The following PCSK5 variants were observed in gnomAD, a reference collection of about 807,000 sequenced individuals.
PCSK5 encodes prohormone convertase 5.
In PCSK5, 129 loss-of-function variants were observed where a neutral mutation model predicts 233.2. The observed-to-expected ratio is 0.55, with a 90% CI of 0.48 to 0.64. The LOEUF (loss-of-function observed/expected upper bound fraction) is 0.64. Ranked by LOEUF, PCSK5 falls within the 30% of genes least tolerant of loss-of-function variation. The pLI is 0.00. For missense variants in PCSK5, 2,076 were observed against 2,430.1 expected, an observed-to-expected ratio of 0.85 and a Z score of 3.06; for synonymous variants, 825 against 879.2, an observed-to-expected ratio of 0.94 and a Z score of 1.09.
intron 20 of PCSK5, among the ~76,000 whole-genome samples, chr9:76,191,709 G>A (rs1373227351): frequency 1.3e-5 from 2 of 152,130 alleles, no homozygotes; most frequent in East Asian, 1.9e-4. Flanking sequence ...ATAGCACACT[G>A]GGGTGATAAA....
At chr9:76,003,175 C>T (rs1324194924) in intron 3 of PCSK5, among the ~76,000 whole-genome samples, 1 of 152,210 alleles carries the variant, frequency 6.6e-6, no homozygotes, top group Non-Finnish European at 1.5e-5. Flanking sequence ...AATCCTGGAA[C>T]ATGGGCAGGC....
At chr9:75,974,167 G>A (rs1825918081) in intron 2 of PCSK5, among the ~76,000 whole-genome samples, 1 of 152,208 alleles carries the variant, frequency 6.6e-6, no homozygotes. Context: ...GCCCAGTGAA[G>A]TGACTTGGCA....
chr9:76,218,250 TTGGTATAGGGAGGC>T (rs1308184995), intron 20 of PCSK5, among the ~76,000 whole-genome samples: 1 of 152,110 alleles, frequency 6.6e-6, no homozygotes, highest in African/African-American at 2.4e-5. Flanking sequence ...CTGGCTTTGT[TTGGTATAGGGAGGC>T]TGTCTCCAGG....
chr9:76,068,117 T>G, intron 6 of PCSK5, 74 bp downstream of exon 6: 1 of 1,038,090 alleles, frequency 9.6e-7, no homozygotes, highest in African/African-American at 1.6e-5. Flanking sequence ...TCAGAATCCT[T>G]TTTAAATGGA....
At position 76,013,369 on chromosome 9, in the gene PCSK5, C is replaced by T. The variant is rs573235048; in HGVS notation, c.412-10369C>T. ...CTCTTCCATCCCTCTGTGTCCTCTT[C>T]TTTTCATATACATGCCACCTGTGTG... On this transcript the variant is annotated intron_variant, in intron 3 of 37. Coordinates refer to ENST00000674117, the MANE Select transcript of PCSK5 (RefSeq NM_001372043.1). Among the ~76,000 whole-genome samples the T allele has an allele frequency of 2.0e-5, 3 of 152,318 alleles. No individual in the cohort carries two copies. In the East Asian group the frequency reaches 5.8e-4, roughly 29 times the overall value.
rs747192189 is a variant in PCSK5, at chr9:76,233,474, G to C, written c.2744G>C (p.Gly915Ala). Reference protein sequence around the residue: ...TCPMTRIFDDGRCVSNCPSWK... With the variant: ...TCPMTRIFDDARCVSNCPSWK... ...TTTTCCTCTAGGATTTTTGATGATGGCCGCTGTGTTTCGAACTGCCCCTCA... is the reference window on the plus strand; with the variant it reads ...TTTTCCTCTAGGATTTTTGATGATGCCCGCTGTGTTTCGAACTGCCCCTCA... The change falls in exon 22 of 38, where the codon GGC becomes GCC. Residue 915 changes from glycine to alanine, a missense_variant. This residue lies in a region of PCSK5 where 1,510 missense variants were observed against 1,538.1 expected (regional missense o/e 0.98). Transcript: ENST00000674117. The C allele has an allele frequency of 5.6e-6, 9 of 1,612,658 alleles. No individual in the cohort carries two copies. The highest frequency in any genetic ancestry group is 1.7e-5 in the Admixed American group (1 of 59,998).
intron 20 of PCSK5, chr9:76,195,651 CAA>C (rs2131260413): frequency 6.6e-6 from 1 of 152,244 alleles, no homozygotes; most frequent in South Asian, 2.1e-4. Context: ...GGAGACTCAA[CAA>C]ATGCTCTAAC....
chr9:76,094,487 A>G (rs1231070849), intron 7 of PCSK5, among the ~76,000 whole-genome samples: 1 of 152,202 alleles, frequency 6.6e-6, no homozygotes, highest in Non-Finnish European at 1.5e-5. Context: ...TCCCAGAAAT[A>G]CTTTCCATTT....
At chr9:76,300,189 G>A (rs7850408) in intron 27 of PCSK5, among the ~76,000 whole-genome samples, 35,406 of 152,020 alleles carry the variant, frequency 0.23, 4,374 homozygotes, top group Middle Eastern at 0.34. Context: ...AAAATAAATC[G>A]ACTTCAGTAG....
chr9:76,009,953 G>C (rs567943163), intron 3 of PCSK5, among the ~76,000 whole-genome samples: 74 of 152,280 alleles, frequency 4.9e-4, no homozygotes, highest in African/African-American at 1.8e-3. Context: ...AGCCAGTCAC[G>C]GGATGCATGT....
chr9:76,259,282 G>C (rs910991370), intron 24 of PCSK5, among the ~76,000 whole-genome samples: 1 of 152,134 alleles, frequency 6.6e-6, no homozygotes, highest in African/African-American at 2.4e-5. Context: ...CATGATTGCT[G>C]TAGCCCATTC....
At chr9:76,041,079 T>C (rs887599143) in intron 5 of PCSK5, among the ~76,000 whole-genome samples, 6 of 152,284 alleles carry the variant, frequency 3.9e-5, no homozygotes, top group African/African-American at 9.6e-5. Context: ...AGAGGTTGTG[T>C]GGATGGGTGT....
At chr9:75,939,713 C>T (rs1824214881) in intron 2 of PCSK5, among the ~76,000 whole-genome samples, 1 of 152,224 alleles carries the variant, frequency 6.6e-6, no homozygotes, top group Admixed American at 6.5e-5. Flanking sequence ...CACCCATGCG[C>T]TATGCATATG....
intron 8 of PCSK5, among the ~76,000 whole-genome samples, chr9:76,098,145 C>T (rs1035352262): frequency 6.6e-6 from 1 of 152,148 alleles, no homozygotes; most frequent in African/African-American, 2.4e-5. Flanking sequence ...CTACTTTTTA[C>T]TACCTTCTTT....
At chr9:76,037,340 C>T (rs1383940293) in intron 5 of PCSK5, among the ~76,000 whole-genome samples, 2 of 152,024 alleles carry the variant, frequency 1.3e-5, no homozygotes, top group African/African-American at 2.4e-5. Flanking sequence ...GTTCTACTTA[C>T]ATGTATTGAC....
At chr9:76,235,233 C>T (rs1028594078) in intron 22 of PCSK5, among the ~76,000 whole-genome samples, 3 of 152,076 alleles carry the variant, frequency 2.0e-5, no homozygotes, top group African/African-American at 7.2e-5. Context: ...GTTCAAGTCC[C>T]GCCTTTGTTA....
chr9:76,253,533 A>C (rs1285216438), intron 24 of PCSK5, among the ~76,000 whole-genome samples: 2 of 152,210 alleles, frequency 1.3e-5, no homozygotes, highest in Admixed American at 1.3e-4. Context: ...GTGCAGTTTC[A>C]TTGTCCCTTA....
chr9:76,240,559 TA>T lies in PCSK5; in HGVS notation c.3074-55del, dbSNP rs1226728305. On this transcript the variant is annotated intron_variant, in intron 23 of 37. Transcript: ENST00000674117. ...CACACGAACATATTTTTGTAGCAAT[TA>T]ACGTGTCTCCACTCAATGGAAATGA... 7.7e-6 allele frequency: 9 copies of T among 1,171,922 alleles called. No individual in the cohort carries two copies. The Admixed American group carries it at 9.9e-5, about 13-fold the overall frequency. 72.6% of individuals were successfully genotyped at this position (1,171,922 alleles called of 1,614,324 possible).
intron 1 of PCSK5, among the ~76,000 whole-genome samples, chr9:75,907,643 G>A (rs1826316152): frequency 6.6e-6 from 1 of 152,112 alleles, no homozygotes; most frequent in South Asian, 2.1e-4. Flanking sequence ...ATTATCCTAG[G>A]ACTATTATTG....
Sources: allele counts gnomAD v4.1 joint callset (sites outside exome capture counted in the v4.1 genomes callset), GRCh38; gene constraint gnomAD v4.1.1; regional missense constraint gnomAD v4.1.1; transcripts MANE v1.5; gene names NCBI Gene and HGNC (gene_info 2026-07-23, HGNC 2026-07-21).